Variants in CDK14 observed in about 807,000 individuals in gnomAD.
CDK14 encodes cyclin dependent kinase 14.
Under a neutral mutation model 60.7 loss-of-function variants are expected in CDK14, and 34 were observed. That is an observed-to-expected ratio of 0.56 (90% CI 0.43 to 0.75). The LOEUF (loss-of-function observed/expected upper bound fraction) is 0.75. CDK14 is among the 30% of genes least tolerant of loss of function. The pLI is 0.00. For synonymous variants in CDK14, 197 were observed against 203.7 expected (o/e 0.97, Z 0.28); for missense variants, 482 against 564.1 (o/e 0.85, Z 1.47).
At chr7:90,766,653 CT>C (rs1187212019) in intron 4 of CDK14, among the ~76,000 whole-genome samples, 1 of 152,164 alleles carries the variant, frequency 6.6e-6, no homozygotes, top group Admixed American at 6.5e-5. Flanking sequence ...TTACCCTACC[CT>C]TCTGTCATGC....
At chr7:91,188,868 G>A (rs966747243) in intron 14 of CDK14, among the ~76,000 whole-genome samples, 1 of 152,094 alleles carries the variant, frequency 6.6e-6, no homozygotes, top group Non-Finnish European at 1.5e-5. Flanking sequence ...TAAAGAAGAG[G>A]ATAAAATAAA....
chr7:90,986,630 T>A (rs2115660354), intron 10 of CDK14, among the ~76,000 whole-genome samples: 1 of 152,126 alleles, frequency 6.6e-6, no homozygotes, highest in East Asian at 1.9e-4. Context: ...ATAAGTTTCT[T>A]AAAAATATAA....
At chr7:90,925,946 T>C (rs948331971) in intron 8 of CDK14, among the ~76,000 whole-genome samples, 8 of 152,244 alleles carry the variant, frequency 5.3e-5, no homozygotes, top group Admixed American at 2.0e-4. Flanking sequence ...AAATTTTCTC[T>C]AGATTTTGAA....
intron 7 of CDK14, among the ~76,000 whole-genome samples, chr7:90,916,344 A>T (rs1056522398): frequency 2.0e-5 from 3 of 152,304 alleles, no homozygotes; most frequent in Admixed American, 2.0e-4. Context: ...CACAGATCAG[A>T]CTTCTACTTT....
intron 13 of CDK14, among the ~76,000 whole-genome samples, chr7:91,113,764 T>G (rs1171437564): frequency 6.6e-6 from 1 of 152,196 alleles, no homozygotes; most frequent in Non-Finnish European, 1.5e-5. Flanking sequence ...AACCCTTTAT[T>G]TTGGAACTAA....
At chr7:90,856,560 C>G (rs1790825039) in intron 5 of CDK14, among the ~76,000 whole-genome samples, 1 of 152,178 alleles carries the variant, frequency 6.6e-6, no homozygotes, top group Non-Finnish European at 1.5e-5. Flanking sequence ...CGTATCAGTG[C>G]TCAGCGTACG....
chr7:90,676,197 A>G (rs1007751324), intron 2 of CDK14, among the ~76,000 whole-genome samples: 6 of 152,236 alleles, frequency 3.9e-5, no homozygotes, highest in Admixed American at 2.6e-4. Context: ...TCTAAATAGT[A>G]TGTTACATAG....
chr7:91,202,100 A>G (rs1802748289), intron 14 of CDK14, among the ~76,000 whole-genome samples: 1 of 152,106 alleles, frequency 6.6e-6, no homozygotes, highest in African/African-American at 2.4e-5. Flanking sequence ...GGGACTGCTC[A>G]TTTTCATTTT....
intron 2 of CDK14, among the ~76,000 whole-genome samples, chr7:90,653,141 G>T (rs1325796582): frequency 6.6e-6 from 1 of 151,908 alleles, no homozygotes; most frequent in Non-Finnish European, 1.5e-5. Flanking sequence ...ACCAGCTCCT[G>T]CCTCTAAGTA....
intron 12 of CDK14, among the ~76,000 whole-genome samples, chr7:91,099,503 A>C (rs1167461336): frequency 6.6e-6 from 1 of 152,180 alleles, no homozygotes; most frequent in Non-Finnish European, 1.5e-5. Flanking sequence ...TCAAAGCATC[A>C]CAGGAGTATA....
chr7:90,962,301 A>G (rs566084159), intron 9 of CDK14, among the ~76,000 whole-genome samples: 1 of 152,164 alleles, frequency 6.6e-6, no homozygotes, highest in South Asian at 2.1e-4. Flanking sequence ...AGTCCCATCA[A>G]CATGGTGAAA....
chr7:90,640,367 G>A (rs556536051), intron 2 of CDK14, among the ~76,000 whole-genome samples: 14 of 152,154 alleles, frequency 9.2e-5, no homozygotes, highest in Admixed American at 4.6e-4. Context: ...AAAGCCTAGA[G>A]TTTTGTGGTC....
At chr7:91,127,840 C>CA (rs1185801670) in intron 14 of CDK14, among the ~76,000 whole-genome samples, 1 of 152,026 alleles carries the variant, frequency 6.6e-6, no homozygotes, top group African/African-American at 2.4e-5. Flanking sequence ...AAAAAGAGAA[C>CA]ACAGTGGCAA....
Position 90,856,565 on chromosome 7 carries a change from CG to C in CDK14, c.545-6609del, listed in dbSNP as rs1188221966. ...CCCGGAGCTGCGTATCAGTGCTCAG[CG>C]TACGCACATGTTCTTTCTCTGCTAG... On this transcript the variant is annotated intron_variant, in intron 5 of 14. Transcript: ENST00000380050. Among the ~76,000 whole-genome samples, 3 of 152,284 alleles carry C rather than the reference CG, an allele frequency of 2.0e-5. No individual in the cohort carries two copies. The East Asian group carries it at 5.8e-4, about 29-fold the overall frequency.
intron 14 of CDK14, among the ~76,000 whole-genome samples, chr7:91,128,921 A>G (rs10488004): frequency 0.56 from 85,888 of 152,046 alleles, 27,855 homozygotes; most frequent in Non-Finnish European, 0.75. Context: ...GTACATATTG[A>G]CATTCTTATG....
At chr7:91,037,427 G>A (rs572275673) in intron 10 of CDK14, among the ~76,000 whole-genome samples, 14 of 152,172 alleles carry the variant, frequency 9.2e-5, no homozygotes, top group South Asian at 2.1e-4. Context: ...ATGTGTGCGC[G>A]CGCATGTGTG....
At chr7:90,671,353 TAAG>T (rs1368073352) in intron 2 of CDK14, among the ~76,000 whole-genome samples, 1 of 152,040 alleles carries the variant, frequency 6.6e-6, no homozygotes, top group East Asian at 1.9e-4. Context: ...GCAACCTTGA[TAAG>T]AAGGTTATTT....
intron 5 of CDK14, among the ~76,000 whole-genome samples, chr7:90,791,285 A>G (rs982802013): frequency 3.9e-5 from 6 of 152,166 alleles, no homozygotes; most frequent in African/African-American, 7.2e-5. Flanking sequence ...AGGCTTTTGT[A>G]TTCCAAGAGA....
chr7:91,199,928 TA>T (rs780159356), intron 14 of CDK14, among the ~76,000 whole-genome samples: 1 of 152,336 alleles, frequency 6.6e-6, no homozygotes, highest in South Asian at 2.1e-4. Context: ...TGTTCTCTTC[TA>T]GGGGGAAGAA....
Sources: gnomAD v4.1 joint callset for allele counts (sites outside exome capture counted in the v4.1 genomes callset) on GRCh38, gnomAD v4.1.1 for gene constraint, MANE v1.5 for transcripts, NCBI Gene and HGNC (gene_info 2026-07-23, HGNC 2026-07-21) for gene names.